The following CHRM5 variants were observed in gnomAD, a reference collection of about 807,000 sequenced individuals.
The protein encoded by CHRM5 is muscarinic acetylcholine receptor M5.
In CHRM5, 18 loss-of-function variants were observed where a neutral mutation model predicts 39.0. The ratio of observed to expected loss-of-function variants is 0.46; its 90% confidence interval spans 0.32 to 0.68. The LOEUF (loss-of-function observed/expected upper bound fraction) is 0.68. Among genes scored for constraint, CHRM5 ranks in the 30% least tolerant of loss-of-function variants. CHRM5 has a pLI of 0.04. For missense variants in CHRM5, 515 were observed against 651.1 expected (o/e 0.79, Z 2.28); for synonymous variants, 241 against 246.3 (o/e 0.98, Z 0.20).
intron 2 of CHRM5, 77 bp from the exon 3 acceptor site, chr15:34,062,566 A>AAG (rs1249572628): frequency 1.5e-6 from 1 of 680,974 alleles, no homozygotes; most frequent in East Asian, 2.9e-5. Context: ...AAAAAAAAAA[A>AAG]AAAAAAAACT....
intron 1 of CHRM5, among the ~76,000 whole-genome samples, chr15:34,026,908 A>C (rs1898499033): frequency 6.6e-6 from 1 of 152,188 alleles, no homozygotes; most frequent in South Asian, 2.1e-4. Context: ...CCTACGTATA[A>C]TAGAATTAAA....
chr15:34,053,319 A>AAAATATATATATATATATAT (rs775436850), intron 2 of CHRM5, among the ~76,000 whole-genome samples: 1 of 42,062 alleles, frequency 2.4e-5, no homozygotes, highest in African/African-American at 8.0e-5. Context: ...AAAAAAAAAA[A>AAAATATATATATATATATAT]ATATATATAT....
chr15:33,996,545 G>A (rs1896945828), intron 1 of CHRM5, among the ~76,000 whole-genome samples: 1 of 152,188 alleles, frequency 6.6e-6, no homozygotes, highest in South Asian at 2.1e-4. Flanking sequence ...GCCTCCGCTG[G>A]TGATACCCAG....
chr15:34,062,338 G>A (rs1313542667), intron 2 of CHRM5, among the ~76,000 whole-genome samples: 3 of 152,042 alleles, frequency 2.0e-5, no homozygotes, highest in Admixed American at 6.6e-5. Context: ...GGTGGATCAC[G>A]AAGTCAGGAG....
intron 1 of CHRM5, among the ~76,000 whole-genome samples, chr15:33,979,429 A>G (rs1311969487): frequency 6.6e-6 from 1 of 152,124 alleles, no homozygotes; most frequent in Non-Finnish European, 1.5e-5. Context: ...GGATCACATG[A>G]GCCCAGGAGG....
Position 34,031,395 on chromosome 15 carries a change from G to A in CHRM5, c.-407-15145G>A, listed in dbSNP as rs551688131. On this transcript the variant is annotated intron_variant, in intron 1 of 2. Transcript: ENST00000383263. Reference sequence around the variant, plus strand: ...TCATCATGTTGGTCAGGCTGGTCTCGAACTCCTGACCTCAGGTGATCTGCC... The same window carrying A: ...TCATCATGTTGGTCAGGCTGGTCTCAAACTCCTGACCTCAGGTGATCTGCC... Among the ~76,000 whole-genome samples, 371 of 151,954 alleles carry A rather than the reference G, an allele frequency of 2.4e-3. 2 individuals carry two copies. The highest frequency in any genetic ancestry group is 8.3e-3 in the African/African-American group (344 of 41,430).
At chr15:34,042,736 A>G (rs190438005) in intron 1 of CHRM5, among the ~76,000 whole-genome samples, 2 of 152,220 alleles carry the variant, frequency 1.3e-5, no homozygotes, top group African/African-American at 4.8e-5. Flanking sequence ...ATGGTAGCCA[A>G]TTCCTTAAGG....
chr15:34,029,067 C>T (rs544200328), intron 1 of CHRM5, among the ~76,000 whole-genome samples: 2 of 152,210 alleles, frequency 1.3e-5, no homozygotes, highest in Non-Finnish European at 2.9e-5. Context: ...TTCAGAGATT[C>T]CCCTCTGCAG....
chr15:34,032,857 T>TA (rs1567479339), intron 1 of CHRM5, among the ~76,000 whole-genome samples: 1 of 152,214 alleles, frequency 6.6e-6, no homozygotes, highest in Non-Finnish European at 1.5e-5. Context: ...GAACATGTAA[T>TA]ATGTCCTTTT....
chr15:33,983,150 G>GTATA (rs1567447418), intron 1 of CHRM5, among the ~76,000 whole-genome samples: 1 of 104,138 alleles, frequency 9.6e-6, no homozygotes, highest in African/African-American at 6.5e-5. Context: ...GTGTGTGTGT[G>GTATA]TGTGTGTGTA....
intron 1 of CHRM5, among the ~76,000 whole-genome samples, chr15:34,008,783 T>C (rs1897491815): frequency 6.6e-6 from 1 of 152,078 alleles, no homozygotes; most frequent in East Asian, 1.9e-4. Context: ...CCACCGTGCC[T>C]AGCCGATGAA....
chr15:34,064,028 G>T lies in CHRM5; in HGVS notation c.1311G>T (p.Glu437Asp), dbSNP rs541846772. The change falls in exon 3 of 3, where the codon GAG (glutamate) becomes GAT (aspartate). Residue 437 changes from glutamate (E) to aspartate (D), a missense_variant. Physicochemically the swap from Glu to Asp is conservative, Grantham distance 45. Coordinates refer to ENST00000383263, the MANE Select transcript of CHRM5 (RefSeq NM_012125.4). ...GAAAGAGAGTGGTCCTAGTCAAAGAGAGGAAAGCAGCCCAGACACTGAGTG... is the reference window on the plus strand; with the variant it reads ...GAAAGAGAGTGGTCCTAGTCAAAGATAGGAAAGCAGCCCAGACACTGAGTG... ...TKRKRVVLVK[E>D]RKAAQTLSAI... is the part of the protein sequence containing the mutation. 3.1e-6 allele frequency: 5 copies of T among 1,614,202 alleles called. No homozygotes were observed. Among genetic ancestry groups the T allele is most frequent in the Non-Finnish European group, 4.2e-6 (5 of 1,180,030 alleles).
intron 1 of CHRM5, among the ~76,000 whole-genome samples, chr15:34,044,706 A>G (rs559511530): frequency 6.8e-6 from 1 of 147,834 alleles, no homozygotes; most frequent in Non-Finnish European, 1.5e-5. Context: ...AAATGGGTCC[A>G]GTTTATGCCT....
At chr15:34,020,600 T>C (rs993810635) in intron 1 of CHRM5, among the ~76,000 whole-genome samples, 1 of 152,224 alleles carries the variant, frequency 6.6e-6, no homozygotes, top group African/African-American at 2.4e-5. Context: ...CTCACTGCAC[T>C]TTCATTAGTA....
At chr15:33,982,880 A>G (rs532408432) in intron 1 of CHRM5, among the ~76,000 whole-genome samples, 1 of 152,116 alleles carries the variant, frequency 6.6e-6, no homozygotes, top group East Asian at 1.9e-4. Flanking sequence ...CCAACTTCTG[A>G]GGGAGATCAG....
chr15:34,063,440 G>A lies in CHRM5; in HGVS notation c.723G>A (p.Lys241=), dbSNP rs1900416608. ...QGSDSVTKAE[K]RKPAHRALFR... ...CTGACTCTGTGACCAAAGCTGAGAA[G>A]AGAAAGCCAGCTCATAGGGCTCTGT... The change falls in exon 3 of 3, where the codon AAG becomes AAA. Residue 241 remains lysine, a synonymous_variant. Transcript: ENST00000383263. This position sits in a 1 kb window ranked among gnomAD's most constrained non-coding sequence, Gnocchi z 4.1. 6.2e-7 allele frequency: 1 copy of A among 1,613,890 alleles called. No individual in the cohort carries two copies.
chr15:33,975,988 C>A (rs1597296784), intron 1 of CHRM5, among the ~76,000 whole-genome samples: 1 of 152,244 alleles, frequency 6.6e-6, no homozygotes, highest in African/African-American at 2.4e-5. Context: ...AGTATTATTT[C>A]ACCTAACAAC....
At chr15:34,017,314 C>A (rs1897961661) in intron 1 of CHRM5, among the ~76,000 whole-genome samples, 1 of 152,072 alleles carries the variant, frequency 6.6e-6, no homozygotes, top group African/African-American at 2.4e-5. Flanking sequence ...GCATGGAGAT[C>A]TCATCCCTGT....
chr15:34,015,115 A>G (rs1011585654), intron 1 of CHRM5, among the ~76,000 whole-genome samples: 1 of 152,210 alleles, frequency 6.6e-6, no homozygotes, highest in East Asian at 1.9e-4. Context: ...GAGCAACAAC[A>G]AAGGATCACA....
Sources: gnomAD v4.1 joint callset for allele counts (sites outside exome capture counted in the v4.1 genomes callset) on GRCh38, gnomAD v4.1.1 for gene constraint, Gnocchi (gnomAD v3.1) non-coding constraint, MANE v1.5 for transcripts, NCBI Gene and HGNC (gene_info 2026-07-23, HGNC 2026-07-21) for gene names.